Variants in PPARGC1A observed in about 807,000 individuals in gnomAD.
The protein encoded by PPARGC1A is PPARG coactivator 1 alpha.
Under a neutral mutation model 88.7 loss-of-function variants are expected in PPARGC1A, and 25 were observed. The ratio of observed to expected loss-of-function variants is 0.28; its 90% confidence interval spans 0.21 to 0.39. The LOEUF is 0.39. PPARGC1A is among the 10% of genes least tolerant of loss of function. The pLI is 1.00. For synonymous variants in PPARGC1A, 363 were observed against 355.6 expected, an observed-to-expected ratio of 1.02 and a Z score of -0.24; for missense variants, 880 against 968.7, an observed-to-expected ratio of 0.91 and a Z score of 1.22.
the PPARGC1A span, among the ~76,000 whole-genome samples, chr4:24,135,337 A>T: frequency 6.6e-6 from 1 of 152,116 alleles, no homozygotes; most frequent in East Asian, 1.9e-4. Context: ...ATGCACACCA[A>T]ATCCTCATCT....
chr4:24,114,222 T>C, the PPARGC1A span, among the ~76,000 whole-genome samples: 2 of 151,688 alleles, frequency 1.3e-5, no homozygotes, highest in East Asian at 1.9e-4. Flanking sequence ...CTAGCTCCTG[T>C]TAAGTAAAAA....
the PPARGC1A span, among the ~76,000 whole-genome samples, chr4:24,217,497 G>T: frequency 2.6e-5 from 4 of 152,082 alleles, no homozygotes; most frequent in African/African-American, 9.7e-5. Flanking sequence ...ACAAGAGAAG[G>T]GGCCTGGTAT....
At chr4:24,086,769 C>T in the PPARGC1A span, among the ~76,000 whole-genome samples, 1 of 152,150 alleles carries the variant, frequency 6.6e-6, no homozygotes, top group Admixed American at 6.5e-5. Context: ...ACATATTGTG[C>T]ATTTGATGGG....
chr4:24,126,267 CCACACACACACA>C, the PPARGC1A span, among the ~76,000 whole-genome samples: 5 of 146,444 alleles, frequency 3.4e-5, no homozygotes, highest in Non-Finnish European at 7.5e-5. Flanking sequence ...TGGCTTCTCA[CCACACACACACA>C]CACACACACA....
intron 4 of PPARGC1A, 35 bp from the exon 5 acceptor site, chr4:23,828,639 T>C (rs1334109268): frequency 1.9e-6 from 3 of 1,590,410 alleles, no homozygotes; most frequent in Middle Eastern, 1.7e-4. Context: ...CTAAAATTAG[T>C]GAACTGAACC....
At chr4:23,975,535 A>T in the PPARGC1A span, among the ~76,000 whole-genome samples, 36 of 152,116 alleles carry the variant, frequency 2.4e-4, no homozygotes, top group African/African-American at 8.7e-4. Context: ...CTCGTTCCTC[A>T]ACCTCCCAAG....
At position 23,813,083 on chromosome 4, in the gene PPARGC1A, C is replaced by T. The variant is rs369563669; in HGVS notation, c.1836G>A (p.Thr612=). Residue 612 remains threonine, a synonymous_variant, in exon 9 of 13, where the codon ACG becomes ACA. Transcript: ENST00000264867. ...YYESSHYRHR[T]HRNSPLYVRS... ...TCACATACAAGGGAGAATTTCGGTG[C>T]GTGCGGTGTCTGTAGTGGCTTGACT... 2.3e-5 allele frequency: 37 copies of T among 1,614,036 alleles called. No individual in the cohort carries two copies. The highest frequency in any genetic ancestry group is 3.0e-5 in the Non-Finnish European group (35 of 1,179,958).
the PPARGC1A span, among the ~76,000 whole-genome samples, chr4:24,177,303 C>A: frequency 6.6e-6 from 1 of 152,086 alleles, no homozygotes; most frequent in Non-Finnish European, 1.5e-5. Flanking sequence ...ATGATGAGTT[C>A]ATGTCCTTTG....
At chr4:24,431,124 C>CAAAAAAAAAAAA in the PPARGC1A span, among the ~76,000 whole-genome samples, 1 of 72,556 alleles carries the variant, frequency 1.4e-5, no homozygotes, top group African/African-American at 5.2e-5. Flanking sequence ...GACTCCATCT[C>CAAAAAAAAAAAA]AAAAAAAAAA....
the PPARGC1A span, among the ~76,000 whole-genome samples, chr4:23,921,057 C>T: frequency 1.3e-5 from 2 of 152,064 alleles, no homozygotes; most frequent in South Asian, 2.1e-4. Flanking sequence ...CCCCCACCCA[C>T]TCCTACCACC....
chr4:24,203,957 A>G, the PPARGC1A span, among the ~76,000 whole-genome samples: 11 of 152,250 alleles, frequency 7.2e-5, no homozygotes, highest in Non-Finnish European at 1.6e-4. Context: ...CCAGAAATAC[A>G]TGTTTAAGGG....
chr4:23,950,446 A>C, the PPARGC1A span, among the ~76,000 whole-genome samples: 1 of 152,262 alleles, frequency 6.6e-6, no homozygotes, highest in Non-Finnish European at 1.5e-5. Context: ...GGTAACAAGC[A>C]TCGGTCGATG....
the PPARGC1A span, among the ~76,000 whole-genome samples, chr4:24,330,175 T>G: frequency 6.6e-6 from 1 of 152,210 alleles, no homozygotes; most frequent in Non-Finnish European, 1.5e-5. Flanking sequence ...TCTTTGACAT[T>G]TCTCTCATTG....
the PPARGC1A span, among the ~76,000 whole-genome samples, chr4:24,213,678 C>T: frequency 4.6e-5 from 7 of 152,144 alleles, no homozygotes; most frequent in Non-Finnish European, 8.8e-5. Context: ...CATATGTGTG[C>T]ATACACACGT....
At chr4:24,180,853 C>A in the PPARGC1A span, among the ~76,000 whole-genome samples, 1 of 152,142 alleles carries the variant, frequency 6.6e-6, no homozygotes, top group Non-Finnish European at 1.5e-5. Flanking sequence ...AGTCCCAATG[C>A]CCCACAGCAT....
At chr4:24,396,990 C>T in the PPARGC1A span, among the ~76,000 whole-genome samples, 1 of 152,086 alleles carries the variant, frequency 6.6e-6, no homozygotes, top group Admixed American at 6.6e-5. Context: ...TTACAATTAA[C>T]ATGATAAAGT....
chr4:24,216,684 G>T, the PPARGC1A span, among the ~76,000 whole-genome samples: 1 of 151,984 alleles, frequency 6.6e-6, no homozygotes, highest in African/African-American at 2.4e-5. Flanking sequence ...AAATATTTGA[G>T]GTGGATTTAA....
the PPARGC1A span, among the ~76,000 whole-genome samples, chr4:24,364,548 G>T: frequency 6.6e-6 from 1 of 151,912 alleles, no homozygotes; most frequent in Non-Finnish European, 1.5e-5. Flanking sequence ...AGTTCCTCAG[G>T]TTAGTAATAG....
At chr4:24,051,298 G>GC in the PPARGC1A span, among the ~76,000 whole-genome samples, 1 of 150,500 alleles carries the variant, frequency 6.6e-6, no homozygotes, top group Non-Finnish European at 1.5e-5. Flanking sequence ...CATGGCTCTT[G>GC]CCCCCTGGAA....
Sources: allele counts gnomAD v4.1 joint callset (sites outside exome capture counted in the v4.1 genomes callset), GRCh38; gene constraint gnomAD v4.1.1; transcripts MANE v1.5; gene names NCBI Gene and HGNC (gene_info 2026-07-23, HGNC 2026-07-21).